HSD17B14: variants seen among roughly 807,000 people sequenced by gnomAD.
HSD17B14 encodes the protein hydroxysteroid 17-beta dehydrogenase 14, also known as L-fucose dehydrogenase.
Under a neutral mutation model 32.2 loss-of-function variants are expected in HSD17B14, and 32 were observed. The observed-to-expected ratio is 0.99, with a 90% CI of 0.75 to 1.33. The LOEUF (loss-of-function observed/expected upper bound fraction) is 1.33, where lower values mean the gene tolerates loss of function less well. Among genes scored for constraint, HSD17B14 ranks in the 40% most tolerant of loss-of-function variants. The pLI is 0.00. For synonymous variants in HSD17B14, 140 were observed against 155.4 expected (o/e 0.90, Z 0.74); for missense variants, 370 against 366.5 (o/e 1.01, Z -0.08).
At position 48,832,604 on chromosome 19, in the gene HSD17B14, C is replaced by A. The variant is rs572504759; in HGVS notation, c.277+62G>T. ...CAGGGGCAGGGAGTGGGGAAACTGA[C>A]GTGCAGGAAACAGAGTTGGGGGGCA... On this transcript the variant is annotated intron_variant, in intron 4 of 8. Transcript: ENST00000263278. The A allele has an allele frequency of 7.8e-6, 11 of 1,412,760 alleles. 1 individual carries two copies. The South Asian group carries it at 1.1e-4, about 14-fold the overall frequency. The allele number at this position is 1,412,760 out of a possible 1,614,324, so 87.5% of individuals were successfully genotyped here. A position where few individuals can be genotyped will look rare whatever the true frequency, so the allele number is the denominator to read the frequency against.
At chr19:48,826,491 C>CAA (rs747731627) in intron 5 of HSD17B14, among the ~76,000 whole-genome samples, 3 of 41,094 alleles carry the variant, frequency 7.3e-5, no homozygotes, top group Admixed American at 4.2e-4. Flanking sequence ...AAGATTGTCT[C>CAA]AAAAAAAAAA....
At chr19:48,834,002 T>C (rs902611088) in intron 3 of HSD17B14, among the ~76,000 whole-genome samples, 2 of 152,068 alleles carry the variant, frequency 1.3e-5, no homozygotes, top group Non-Finnish European at 2.9e-5. Context: ...GAAAAATCAG[T>C]TCCAGTTGAC....
intron 4 of HSD17B14, 21 bp downstream of exon 4, chr19:48,832,645 C>A (rs775437835): frequency 1.6e-5 from 26 of 1,609,020 alleles, no homozygotes; most frequent in Non-Finnish European, 2.1e-5. Flanking sequence ...TGGAGAATGG[C>A]CCTGGGGTCT....
chr19:48,836,223 C>T lies in HSD17B14; in HGVS notation c.88+101G>A, dbSNP rs976855673. ...AAATTGGCTTTTATAATATCAGAAT[C>T]CTGGCTGCAGTACTGGAGTCCCTAT... On this transcript the variant is annotated intron_variant, in intron 1 of 8. Transcript: ENST00000263278. The T allele has an allele frequency of 6.7e-6, 8 of 1,200,436 alleles. No homozygotes were observed. In the African/African-American group the frequency reaches 1.1e-4, roughly 16 times the overall value. 74.4% of individuals were successfully genotyped at this position (1,200,436 alleles called of 1,614,324 possible).
At position 48,831,655 on chromosome 19, in the gene HSD17B14, C is replaced by G. The variant is rs759400831; in HGVS notation, c.369+13G>C. On this transcript the variant is annotated intron_variant, in intron 5 of 8. Coordinates refer to ENST00000263278, the MANE Select transcript of HSD17B14 (RefSeq NM_016246.3). ...GGCTGCTCGGGCCTGGCGGCAGGGT[C>G]GCCAGCCCTCACCTTGGTCAAGGTG... The G allele has an allele frequency of 3.7e-6, 6 of 1,606,842 alleles. No homozygotes were observed. The highest frequency in any genetic ancestry group is 5.1e-6 in the Non-Finnish European group (6 of 1,173,514).
chr19:48,818,308 C>CA (rs767701282), intron 5 of HSD17B14, among the ~76,000 whole-genome samples: 24,861 of 103,108 alleles, frequency 0.24, 2,665 homozygotes, highest in African/African-American at 0.3. Context: ...AAGACTGTCT[C>CA]AAAAAAAAAG....
At chr19:48,821,548 C>A (rs190761523) in intron 5 of HSD17B14, among the ~76,000 whole-genome samples, 43 of 152,224 alleles carry the variant, frequency 2.8e-4, no homozygotes, top group African/African-American at 9.4e-4. Flanking sequence ...GGGATCTGGG[C>A]AGGGGCCCCA....
intron 5 of HSD17B14, among the ~76,000 whole-genome samples, chr19:48,818,432 C>T (rs377263190): frequency 8.5e-5 from 13 of 152,162 alleles, no homozygotes; most frequent in African/African-American, 2.4e-4. Context: ...CCTCCTCTCA[C>T]TCCCACCAGC....
chr19:48,835,398 A>G (rs1267618932), intron 2 of HSD17B14, among the ~76,000 whole-genome samples: 3 of 88,338 alleles, frequency 3.4e-5, no homozygotes, highest in East Asian at 4.4e-4. Context: ...GGGTCTGAGA[A>G]AGTAGGGCCT....
chr19:48,813,120 G>A lies in HSD17B14; in HGVS notation c.*55C>T. 1.6e-6 allele frequency: 2 copies of A among 1,232,888 alleles called. No homozygotes were observed. Among genetic ancestry groups the A allele is most frequent in the Non-Finnish European group, 1.1e-6 (1 of 873,706 alleles). 76.4% of individuals were successfully genotyped at this position (1,232,888 alleles called of 1,614,324 possible). A position where few individuals can be genotyped will look rare whatever the true frequency, so the allele number is the denominator to read the frequency against. ...TTGGGGGCTGCATCTGATACAGGTT[G>A]GAGTTTGGGGTGGGAGAGTCCTAGG... On this transcript the variant is annotated 3_prime_UTR_variant, in exon 9 of 9. Transcript: ENST00000263278.
chr19:48,831,531 C>G, intron 5 of HSD17B14, 137 bp downstream of exon 5: 1 of 705,738 alleles, frequency 1.4e-6, no homozygotes, highest in Non-Finnish European at 2.6e-6. Context: ...CCAGCCTGGG[C>G]GACAGAGAGA....
chr19:48,833,646 G>C (rs2122803033), intron 3 of HSD17B14, among the ~76,000 whole-genome samples: 1 of 152,178 alleles, frequency 6.6e-6, no homozygotes, highest in East Asian at 1.9e-4. Flanking sequence ...GACCAACATG[G>C]AGAAACACCG....
At chr19:48,830,473 C>CA (rs397817660) in intron 5 of HSD17B14, among the ~76,000 whole-genome samples, 2 of 152,096 alleles carry the variant, frequency 1.3e-5, no homozygotes, top group South Asian at 4.2e-4. Flanking sequence ...AGACTCCCCC[C>CA]TCCCCTTTCT....
chr19:48,813,167 G>A lies in HSD17B14; in HGVS notation c.*8C>T. On this transcript the variant is annotated 3_prime_UTR_variant, in exon 9 of 9. Coordinates refer to ENST00000263278, the MANE Select transcript of HSD17B14 (RefSeq NM_016246.3). ...TAGGAAGGGGGCCCCAAGTAGAAAT[G>A]AGAGAAATCAGGAAGGGATATCGGG... The A allele has an allele frequency of 6.4e-7, 1 of 1,574,084 alleles. No individual in the cohort carries two copies. Among genetic ancestry groups the A allele is most frequent in the Non-Finnish European group, 8.6e-7 (1 of 1,158,138 alleles).
chr19:48,827,350 G>A (rs974358705), intron 5 of HSD17B14, among the ~76,000 whole-genome samples: 2 of 151,750 alleles, frequency 1.3e-5, no homozygotes, highest in African/African-American at 4.8e-5. Context: ...GCAAGGACAG[G>A]GATTTTCTTC....
At position 48,821,013 on chromosome 19, in the gene HSD17B14, A is replaced by T. The variant is rs1026489796; in HGVS notation, c.370-5872T>A. The stretch of plus-strand genomic sequence containing the variant: ...CACCCCACCCAGCCAGGATGGATAG[A>T]TTTTTTTTTTTTTTTTTTTGACAGA... On this transcript the variant is annotated intron_variant, in intron 5 of 8. Transcript: ENST00000263278. Among the ~76,000 whole-genome samples the T allele has an allele frequency of 1.5e-4, 19 of 123,842 alleles. 1 individual carries two copies. Among genetic ancestry groups the T allele is most frequent in the Admixed American group, 8.3e-5 (1 of 11,996 alleles). 81.2% of individuals were successfully genotyped at this position (123,842 alleles called of 152,430 possible). A position where few individuals can be genotyped will look rare whatever the true frequency, so the allele number is the denominator to read the frequency against.
intron 3 of HSD17B14, 52 bp downstream of exon 3, chr19:48,834,224 C>A: frequency 6.9e-7 from 1 of 1,455,810 alleles, no homozygotes; most frequent in Non-Finnish European, 9.6e-7. Context: ...TGGAGGAGAA[C>A]AAAGAACTGG....
intron 5 of HSD17B14, among the ~76,000 whole-genome samples, chr19:48,828,086 C>T (rs958030080): frequency 1.3e-5 from 2 of 151,774 alleles, no homozygotes; most frequent in Admixed American, 6.6e-5. Flanking sequence ...GATCTCCTGA[C>T]CTCGTGATCC....
intron 5 of HSD17B14, among the ~76,000 whole-genome samples, chr19:48,817,268 C>A (rs1050122182): frequency 6.6e-6 from 1 of 151,862 alleles, no homozygotes; most frequent in East Asian, 1.9e-4. Flanking sequence ...ACCTCCTCCC[C>A]CCAGGTTCAA....
Sources: gnomAD v4.1 joint callset for allele counts (sites outside exome capture counted in the v4.1 genomes callset) on GRCh38, gnomAD v4.1.1 for gene constraint, MANE v1.5 for transcripts, NCBI Gene and HGNC (gene_info 2026-07-23, HGNC 2026-07-21) for gene names.